Variants in GRB14 observed in about 807,000 individuals in gnomAD.
The protein encoded by GRB14 is growth factor receptor bound protein 14, also known as growth factor receptor-bound protein 14.
Under a neutral mutation model 69.1 loss-of-function variants are expected in GRB14, and 38 were observed. The ratio of observed to expected loss-of-function variants is 0.55; its 90% CI spans 0.42 to 0.72. The LOEUF is 0.72. Among genes scored for constraint, GRB14 ranks in the 30% least tolerant of loss-of-function variants. GRB14 has a pLI of 0.00. For missense variants in GRB14, 666 were observed against 666.1 expected (o/e 1.00, Z 0.00); for synonymous variants, 247 against 241.3 (o/e 1.02, Z -0.22).
At chr2:164,529,738 T>C (rs577542593) in intron 3 of GRB14, among the ~76,000 whole-genome samples, 6 of 152,288 alleles carry the variant, frequency 3.9e-5, no homozygotes, top group African/African-American at 1.4e-4. Context: ...GCCTCTACTT[T>C]CTCATTCTTC....
intron 2 of GRB14, among the ~76,000 whole-genome samples, chr2:164,614,354 A>G (rs926595761): frequency 6.6e-6 from 1 of 152,210 alleles, no homozygotes; most frequent in Admixed American, 6.5e-5. Context: ...TGTTGTTTCC[A>G]TCTAAAAATG....
At chr2:164,503,169 T>TAAAAAAAAAAAAAAA (rs3086552) in intron 8 of GRB14, among the ~76,000 whole-genome samples, 1 of 126,604 alleles carries the variant, frequency 7.9e-6, no homozygotes, top group African/African-American at 2.9e-5. Flanking sequence ...GCTACTTTGT[T>TAAAAAAAAAAAAAAA]AAAAAAAAAA....
At chr2:164,548,029 T>C (rs776118707) in intron 2 of GRB14, among the ~76,000 whole-genome samples, 4 of 152,220 alleles carry the variant, frequency 2.6e-5, no homozygotes, top group Non-Finnish European at 4.4e-5. Context: ...TAAAATCTAC[T>C]CATTTCTCAA....
intron 1 of GRB14, among the ~76,000 whole-genome samples, chr2:164,620,568 T>C (rs571852170): frequency 3.9e-5 from 6 of 152,202 alleles, no homozygotes; most frequent in Non-Finnish European, 8.8e-5. Flanking sequence ...TATAGATTTT[T>C]GTATTGCTGT....
At chr2:164,505,440 C>T (rs778601340) in intron 8 of GRB14, among the ~76,000 whole-genome samples, 2 of 152,132 alleles carry the variant, frequency 1.3e-5, no homozygotes, top group African/African-American at 4.8e-5. Context: ...TTGCCCGAAA[C>T]CTTTGGTGGG....
intron 13 of GRB14, 69 bp from the exon 14 acceptor site, chr2:164,493,251 C>A: frequency 7.0e-7 from 1 of 1,424,198 alleles, no homozygotes; most frequent in Non-Finnish European, 9.6e-7. Context: ...TATTCGATTG[C>A]AAACTATCTC....
At chr2:164,530,876 A>G (rs1383290786) in intron 3 of GRB14, among the ~76,000 whole-genome samples, 1 of 152,216 alleles carries the variant, frequency 6.6e-6, no homozygotes, top group Non-Finnish European at 1.5e-5. Context: ...AAGTTTCAAT[A>G]GGATCACACT....
chr2:164,601,141 TA>T (rs1251590523), intron 2 of GRB14, among the ~76,000 whole-genome samples: 19 of 152,196 alleles, frequency 1.2e-4, no homozygotes, highest in Non-Finnish European at 2.4e-4. Context: ...AGAGTACAGC[TA>T]AACTCTTTCA....
intron 5 of GRB14, among the ~76,000 whole-genome samples, chr2:164,523,863 C>T (rs1448936896): frequency 6.6e-6 from 1 of 151,996 alleles, no homozygotes; most frequent in Non-Finnish European, 1.5e-5. Flanking sequence ...TACAGGAAGA[C>T]TTGCAAAAGG....
intron 2 of GRB14, among the ~76,000 whole-genome samples, chr2:164,595,460 C>T (rs144940806): frequency 5.3e-5 from 8 of 152,232 alleles, no homozygotes; most frequent in African/African-American, 1.9e-4. Context: ...TTAGGAAATG[C>T]TATCTAGGAA....
chr2:164,494,584 T>C (rs1686843495), intron 12 of GRB14, 60 bp from the exon 13 acceptor site: 2 of 903,314 alleles, frequency 2.2e-6, no homozygotes, highest in East Asian at 2.4e-5. Context: ...CATAGAACTA[T>C]AGCATTAATA....
chr2:164,612,385 T>A (rs1450356381), intron 2 of GRB14, among the ~76,000 whole-genome samples: 2 of 152,224 alleles, frequency 1.3e-5, no homozygotes, highest in Non-Finnish European at 2.9e-5. Flanking sequence ...AAATGTTAAA[T>A]GAGTGGGCCA....
chr2:164,573,838 T>C, intron 2 of GRB14: 17 of 1,612,910 alleles, frequency 1.1e-5, no homozygotes, highest in African/African-American at 1.3e-5. Flanking sequence ...CAGAAGAAGC[T>C]GAAAGGTGGA....
At chr2:164,496,782 T>C (rs527509796) in intron 12 of GRB14, among the ~76,000 whole-genome samples, 11 of 152,202 alleles carry the variant, frequency 7.2e-5, no homozygotes, top group Non-Finnish European at 1.3e-4. Flanking sequence ...CAAGATACTC[T>C]ATTCCGTTAT....
At chr2:164,578,979 T>G (rs772506631) in intron 2 of GRB14, among the ~76,000 whole-genome samples, 10 of 152,084 alleles carry the variant, frequency 6.6e-5, no homozygotes, top group Non-Finnish European at 1.5e-4. Flanking sequence ...GGGTAGGAAT[T>G]AAGAGAACTA....
In GRB14 at chr2:164,594,757, G is replaced by A. The variant is rs375396378; in HGVS notation, c.324+24930C>T. Among the ~76,000 whole-genome samples the A allele has an allele frequency of 8.5e-5, 13 of 152,194 alleles. No individual in the cohort carries two copies. The East Asian group carries it at 1.2e-3, about 14-fold the overall frequency. The stretch of plus-strand genomic sequence containing the variant: ...CTAGACATTTTTTACCATAAGTATC[G>A]TGTACACATTTTAACTTACCCACTA... On this transcript the variant is annotated intron_variant, in intron 2 of 13. Transcript: ENST00000263915.
chr2:164,584,872 A>G (rs1282831350), intron 2 of GRB14, among the ~76,000 whole-genome samples: 1 of 152,176 alleles, frequency 6.6e-6, no homozygotes, highest in African/African-American at 2.4e-5. Flanking sequence ...TGGATTGTTC[A>G]GTATCTTTGA....
At chr2:164,609,379 G>A (rs1690112452) in intron 2 of GRB14, among the ~76,000 whole-genome samples, 1 of 152,142 alleles carries the variant, frequency 6.6e-6, no homozygotes. Context: ...CTGTGGCTGT[G>A]CTGCAGCCCA....
In GRB14 at chr2:164,526,807, G is replaced by A. The variant is rs568499253; in HGVS notation, c.603+207C>T. 4.3e-4 allele frequency among the ~76,000 whole-genome samples: 66 copies of A among 151,866 alleles called. 2 individuals are homozygous for A. The South Asian group carries it at 0.013, about 30-fold the overall frequency. On this transcript the variant is annotated intron_variant, in intron 4 of 13. Coordinates refer to ENST00000263915, the MANE Select transcript of GRB14 (RefSeq NM_004490.3). ...GACTTTACCAATACGGCTTTAAAAAGTTTTGCACCTGTGTATCTGAACTTC... is the reference window on the plus strand; with the variant it reads ...GACTTTACCAATACGGCTTTAAAAAATTTTGCACCTGTGTATCTGAACTTC...
Sources: gnomAD v4.1 joint callset for allele counts (sites outside exome capture counted in the v4.1 genomes callset) on GRCh38, gnomAD v4.1.1 for gene constraint, MANE v1.5 for transcripts, NCBI Gene and HGNC (gene_info 2026-07-23, HGNC 2026-07-21) for gene names.